Variants in CSGALNACT1 observed in about 807,000 individuals in gnomAD.
The protein encoded by CSGALNACT1 is beta4GalNAcT-1.
Under a neutral mutation model 51.0 loss-of-function variants are expected in CSGALNACT1, and 52 were observed. The observed-to-expected ratio is 1.02, with a 90% CI of 0.82 to 1.29. The LOEUF is 1.29. Ranked by LOEUF, CSGALNACT1 falls within the 50% of genes most tolerant of loss-of-function variation. The pLI, the probability that CSGALNACT1 is intolerant of heterozygous loss-of-function variation, is 0.00. For missense variants in CSGALNACT1, 935 were observed against 679.2 expected, an observed-to-expected ratio of 1.38 and a Z score of -4.19; for synonymous variants, 341 against 254.4, an observed-to-expected ratio of 1.34 and a Z score of -3.24.
At chr8:19,563,289 G>A (rs1207774820) in intron 3 of CSGALNACT1, among the ~76,000 whole-genome samples, 3 of 152,114 alleles carry the variant, frequency 2.0e-5, no homozygotes, top group East Asian at 3.9e-4. Flanking sequence ...AGGGTCAGGG[G>A]GAGGGAGAGC....
intron 6 of CSGALNACT1, among the ~76,000 whole-genome samples, chr8:19,435,573 C>A (rs1284781733): frequency 2.0e-5 from 3 of 152,038 alleles, no homozygotes; most frequent in Non-Finnish European, 2.9e-5. Flanking sequence ...CCATGAACCA[C>A]CCACATCAGC....
intron 4 of CSGALNACT1, among the ~76,000 whole-genome samples, chr8:19,477,644 G>T (rs1377666925): frequency 6.6e-6 from 1 of 152,128 alleles, no homozygotes; most frequent in Non-Finnish European, 1.5e-5. Context: ...TAAAAGGAAG[G>T]GCAGGCTCTA....
intron 4 of CSGALNACT1, among the ~76,000 whole-genome samples, chr8:19,478,413 C>CAAAAA (rs55767885): frequency 2.8e-5 from 2 of 70,828 alleles, no homozygotes; most frequent in Non-Finnish European, 2.6e-5. Flanking sequence ...GACTCCGTCT[C>CAAAAA]AAAAAAAAAA....
chr8:19,594,603 G>A (rs773750798), intron 2 of CSGALNACT1, among the ~76,000 whole-genome samples: 1 of 152,152 alleles, frequency 6.6e-6, no homozygotes, highest in African/African-American at 2.4e-5. Context: ...GAGTGCAATG[G>A]CGTGATCTCT....
intron 1 of CSGALNACT1, among the ~76,000 whole-genome samples, chr8:19,714,798 G>A (rs888892779): frequency 1.0e-4 from 15 of 150,504 alleles, no homozygotes; most frequent in Admixed American, 3.3e-4. Flanking sequence ...TCAGGAGTAC[G>A]TCTGCAGGTT....
At chr8:19,736,329 C>G (rs1237519038) in intron 1 of CSGALNACT1, among the ~76,000 whole-genome samples, 2 of 152,124 alleles carry the variant, frequency 1.3e-5, no homozygotes, top group Non-Finnish European at 2.9e-5. Flanking sequence ...GTAACTTACA[C>G]TGAATGGCCC....
chr8:19,563,407 C>T (rs1363744843), intron 3 of CSGALNACT1, among the ~76,000 whole-genome samples: 1 of 152,064 alleles, frequency 6.6e-6, no homozygotes, highest in Non-Finnish European at 1.5e-5. Context: ...ACCTGTATAT[C>T]CTGCACGTGT....
At chr8:19,472,496 T>C (rs1281313983) in intron 4 of CSGALNACT1, among the ~76,000 whole-genome samples, 1 of 152,240 alleles carries the variant, frequency 6.6e-6, no homozygotes, top group African/African-American at 2.4e-5. Flanking sequence ...TATCTTGATT[T>C]TGAAGTATCT....
intron 1 of CSGALNACT1, among the ~76,000 whole-genome samples, chr8:19,676,735 C>T (rs1029270986): frequency 7.9e-5 from 12 of 152,166 alleles, no homozygotes; most frequent in African/African-American, 2.4e-4. Flanking sequence ...GCCGCACAAG[C>T]ATTGTCCACT....
intron 1 of CSGALNACT1, among the ~76,000 whole-genome samples, chr8:19,636,600 C>T (rs531048022): frequency 2.0e-5 from 3 of 152,230 alleles, no homozygotes; most frequent in African/African-American, 7.2e-5. Context: ...TTTCATACAC[C>T]TGAACAAGAC....
At chr8:19,716,611 A>C (rs71510657) in intron 1 of CSGALNACT1, among the ~76,000 whole-genome samples, 2 of 120,956 alleles carry the variant, frequency 1.7e-5, no homozygotes, top group Admixed American at 8.4e-5. Flanking sequence ...AACCCTCTCT[A>C]CAAAAAAAAA....
chr8:19,414,386 T>C (rs1300227209), intron 8 of CSGALNACT1, among the ~76,000 whole-genome samples: 1 of 152,194 alleles, frequency 6.6e-6, no homozygotes, highest in Non-Finnish European at 1.5e-5. Flanking sequence ...GAACCAGGAA[T>C]GTGAAACGTC....
intron 8 of CSGALNACT1, among the ~76,000 whole-genome samples, chr8:19,411,362 C>T (rs2055686476): frequency 6.6e-6 from 1 of 152,188 alleles, no homozygotes; most frequent in South Asian, 2.1e-4. Flanking sequence ...AATGTAAGCT[C>T]AGGGCTTGTT....
intron 3 of CSGALNACT1, among the ~76,000 whole-genome samples, chr8:19,554,388 G>A (rs1474888235): frequency 4.6e-5 from 7 of 152,140 alleles, no homozygotes; most frequent in African/African-American, 1.7e-4. Flanking sequence ...ACGGTGAGAG[G>A]AGCTACAGGA....
At chr8:19,491,480 T>C (rs2074348209) in intron 4 of CSGALNACT1, among the ~76,000 whole-genome samples, 1 of 152,208 alleles carries the variant, frequency 6.6e-6, no homozygotes, top group South Asian at 2.1e-4. Flanking sequence ...ATACTAAATA[T>C]AAATTTTCAT....
At chr8:19,634,611 A>G (rs1325590676) in intron 1 of CSGALNACT1, among the ~76,000 whole-genome samples, 4 of 152,222 alleles carry the variant, frequency 2.6e-5, no homozygotes, top group East Asian at 1.9e-4. Flanking sequence ...GCAGTGAGCC[A>G]TGATTGCACC....
At chr8:19,585,257 A>G (rs759165566) in intron 3 of CSGALNACT1, 1 of 152,206 alleles carries the variant, frequency 6.6e-6, no homozygotes, top group East Asian at 1.9e-4. Flanking sequence ...TCCAACCACA[A>G]GTTAAGCCGA....
chr8:19,626,721 A>G lies in CSGALNACT1; in HGVS notation c.-543-24856T>C, dbSNP rs538976873. ...TCAGTATATTTAAATAACTTGCTAA[A>G]CTAAATAGTAAACAATCTAAGTTTT... On this transcript the variant is annotated intron_variant, in intron 1 of 9. Transcript: ENST00000332246. Among the ~76,000 whole-genome samples the G allele has an allele frequency of 6.6e-5, 10 of 152,348 alleles. No individual in the cohort carries two copies. The South Asian group carries it at 2.1e-3, about 32-fold the overall frequency.
chr8:19,469,888 G>T (rs1428270618), intron 4 of CSGALNACT1, among the ~76,000 whole-genome samples: 1 of 152,150 alleles, frequency 6.6e-6, no homozygotes, highest in Non-Finnish European at 1.5e-5. Context: ...CTTGGTGTCT[G>T]CAACCCTAAT....
Sources: gnomAD v4.1 joint callset for allele counts (sites outside exome capture counted in the v4.1 genomes callset) on GRCh38, gnomAD v4.1.1 for gene constraint, MANE v1.5 for transcripts, NCBI Gene and HGNC (gene_info 2026-07-23, HGNC 2026-07-21) for gene names.